CDH12: variants seen among roughly 807,000 people sequenced by gnomAD.
CDH12 encodes cadherin 12.
A neutral mutation model predicts 74.1 loss-of-function variants in CDH12; 41 were observed. The observed-to-expected ratio is 0.55, with a 90% CI of 0.43 to 0.72. CDH12 has a LOEUF of 0.72. Ranked by LOEUF, CDH12 falls within the 30% of genes least tolerant of loss-of-function variation. The probability of loss-of-function intolerance (pLI) is 0.00; values close to 1 mark genes in which losing one functional copy is unlikely to be tolerated. For missense variants in CDH12, 945 were observed against 977.2 expected (o/e 0.97, Z 0.44); for synonymous variants, 399 against 355.0 (o/e 1.12, Z -1.39).
intron 3 of CDH12, among the ~76,000 whole-genome samples, chr5:22,272,258 T>A (rs1248542892): frequency 6.6e-6 from 1 of 152,206 alleles, no homozygotes; most frequent in Admixed American, 6.5e-5. Flanking sequence ...TGAACCAACC[T>A]CTGTTAGATT....
rs191024454 is a variant in CDH12, at chr5:21,828,373, C to T, written c.815-11241G>A. 6.1e-3 allele frequency among the ~76,000 whole-genome samples: 934 copies of T among 152,262 alleles called. 4 individuals are homozygous for T. The highest frequency in any genetic ancestry group is 0.01 in the Non-Finnish European group (684 of 68,028). ...CTGACCTCAAGTGATCCACCTGCCT[C>T]GGCCTCCCAAAGTGCTGGGATTACA... On this transcript the variant is annotated intron_variant, in intron 8 of 14. Coordinates refer to ENST00000382254, the MANE Select transcript of CDH12 (RefSeq NM_004061.5).
rs900529165 is a variant in CDH12, at chr5:22,399,238, T to TCTAAA, written c.-333+6014_-333+6018dup. ...TCTATCTATCTATCTATCTATCTAA[T>TCTAAA]CTAAACAAGTAGTGTAACATTTTCA... On this transcript the variant is annotated intron_variant, in intron 3 of 14. Transcript: ENST00000382254. Among the ~76,000 whole-genome samples, 9 of 149,158 alleles carry TCTAAA rather than the reference T, an allele frequency of 6.0e-5. No homozygotes were observed. In the South Asian group the frequency reaches 1.3e-3, roughly 21 times the overall value.
intron 5 of CDH12, among the ~76,000 whole-genome samples, chr5:21,994,679 A>C: frequency 6.6e-6 from 1 of 152,190 alleles, no homozygotes; most frequent in Non-Finnish European, 1.5e-5. Context: ...TGTTTCTTCT[A>C]CTAGGTCAAA....
At chr5:22,448,234 A>ATTT (rs1452249199) in intron 2 of CDH12, among the ~76,000 whole-genome samples, 1 of 151,784 alleles carries the variant, frequency 6.6e-6, no homozygotes, top group Non-Finnish European at 1.5e-5. Context: ...GTTTAAAAAC[A>ATTT]TTTTTTAAGT....
At chr5:21,938,742 A>ATATATATATG (rs1755191452) in intron 6 of CDH12, among the ~76,000 whole-genome samples, 1 of 139,450 alleles carries the variant, frequency 7.2e-6, no homozygotes, top group South Asian at 2.2e-4. Flanking sequence ...ATATATATAT[A>ATATATATATG]TATATATCTT....
intron 5 of CDH12, among the ~76,000 whole-genome samples, chr5:22,074,786 C>A (rs1742191637): frequency 6.6e-6 from 1 of 152,130 alleles, no homozygotes; most frequent in Non-Finnish European, 1.5e-5. Context: ...GTTAGAATGG[C>A]AATCATTAAA....
In CDH12 at chr5:22,792,743, C is replaced by A. The variant is rs187951247; in HGVS notation, c.-523+60315G>T. 3.1e-3 allele frequency among the ~76,000 whole-genome samples: 479 copies of A among 152,222 alleles called. 3 individuals are homozygous for A. The highest frequency in any genetic ancestry group is 0.011 in the African/African-American group (450 of 41,540). Reference sequence around the variant, plus strand: ...GGGTTGATCAAATACAATCTCTGACCAAGTGTGGTCAGGAAACGGGAGTTG... The same window carrying A: ...GGGTTGATCAAATACAATCTCTGACAAAGTGTGGTCAGGAAACGGGAGTTG... On this transcript the variant is annotated intron_variant, in intron 1 of 14. Transcript: ENST00000382254.
At chr5:22,123,530 T>C (rs1272477339) in intron 4 of CDH12, among the ~76,000 whole-genome samples, 10 of 152,200 alleles carry the variant, frequency 6.6e-5, no homozygotes, top group Admixed American at 6.5e-4. Flanking sequence ...TCGATTTATT[T>C]TGAGGTCTAG....
intron 4 of CDH12, among the ~76,000 whole-genome samples, chr5:22,079,311 C>T (rs1043044821): frequency 1.3e-5 from 2 of 152,140 alleles, no homozygotes; most frequent in Non-Finnish European, 2.9e-5. Context: ...AGTAGCACCC[C>T]TTCCCATATC....
intron 5 of CDH12, among the ~76,000 whole-genome samples, chr5:22,006,546 T>G (rs1378636398): frequency 6.6e-6 from 1 of 152,084 alleles, no homozygotes; most frequent in African/African-American, 2.4e-5. Flanking sequence ...TAAACATTAC[T>G]CATAATTTAA....
intron 1 of CDH12, among the ~76,000 whole-genome samples, chr5:22,732,756 A>G (rs1744495333): frequency 6.6e-6 from 1 of 151,954 alleles, no homozygotes; most frequent in South Asian, 2.1e-4. Context: ...AAGCTAGTAG[A>G]GAAGTATGGG....
At chr5:22,312,553 T>C (rs985337723) in intron 3 of CDH12, among the ~76,000 whole-genome samples, 6 of 152,192 alleles carry the variant, frequency 3.9e-5, no homozygotes, top group African/African-American at 1.4e-4. Context: ...TACTGTACTT[T>C]ATTGCTGCAA....
At chr5:22,592,893 G>T (rs556796091) in intron 1 of CDH12, among the ~76,000 whole-genome samples, 5 of 151,778 alleles carry the variant, frequency 3.3e-5, no homozygotes, top group Non-Finnish European at 7.4e-5. Flanking sequence ...AGCCAGGTGT[G>T]GTGGCATGCG....
At chr5:22,148,751 C>A (rs1470089554) in intron 4 of CDH12, among the ~76,000 whole-genome samples, 1 of 152,172 alleles carries the variant, frequency 6.6e-6, no homozygotes, top group East Asian at 1.9e-4. Flanking sequence ...CCAACTCTGT[C>A]ATTGAATGGC....
At chr5:22,521,715 T>C (rs2126686515) in intron 1 of CDH12, among the ~76,000 whole-genome samples, 2 of 152,312 alleles carry the variant, frequency 1.3e-5, no homozygotes, top group East Asian at 1.9e-4. Context: ...GTTGCAACTC[T>C]TGTGGTGTGA....
intron 4 of CDH12, among the ~76,000 whole-genome samples, chr5:22,133,729 AC>A (rs1746302709): frequency 6.6e-6 from 1 of 152,108 alleles, no homozygotes; most frequent in Admixed American, 6.6e-5. Context: ...TATATTCTAT[AC>A]ATCTATACAT....
At chr5:22,075,749 G>C (rs1445139846) in intron 5 of CDH12, among the ~76,000 whole-genome samples, 2 of 152,030 alleles carry the variant, frequency 1.3e-5, no homozygotes, top group Non-Finnish European at 2.9e-5. Context: ...TTTCAACTGT[G>C]CTGGGGAGAA....
At chr5:22,574,227 G>A (rs896088987) in intron 1 of CDH12, among the ~76,000 whole-genome samples, 5 of 151,504 alleles carry the variant, frequency 3.3e-5, no homozygotes, top group African/African-American at 7.3e-5. Context: ...TTACAGGTAC[G>A]CACCACCACA....
At chr5:22,348,282 G>A (rs1362638415) in intron 3 of CDH12, among the ~76,000 whole-genome samples, 1 of 152,064 alleles carries the variant, frequency 6.6e-6, no homozygotes, top group Non-Finnish European at 1.5e-5. Flanking sequence ...ATAAAATGAC[G>A]AGGTTCACTC....
Sources: allele counts gnomAD v4.1 joint callset (sites outside exome capture counted in the v4.1 genomes callset), GRCh38; gene constraint gnomAD v4.1.1; transcripts MANE v1.5; gene names NCBI Gene and HGNC (gene_info 2026-07-23, HGNC 2026-07-21).